JAZF1: variants seen among roughly 807,000 people sequenced by gnomAD.
JAZF1 encodes JAZF zinc finger 1, also known as juxtaposed with another zinc finger protein 1.
JAZF1 carries 8 observed loss-of-function variants against 26.4 expected under a neutral mutation model. That is an observed-to-expected ratio of 0.30 (90% confidence interval 0.18 to 0.55). The LOEUF (loss-of-function observed/expected upper bound fraction) is 0.55, where lower values mean the gene tolerates loss of function less well. Among genes scored for constraint, JAZF1 ranks in the 20% least tolerant of loss-of-function variants. JAZF1 has a pLI of 0.94. For synonymous variants in JAZF1, 126 were observed against 122.3 expected (o/e 1.03, Z -0.20); for missense variants, 199 against 322.0 (o/e 0.62, Z 2.92).
intron 2 of JAZF1, among the ~76,000 whole-genome samples, chr7:27,959,841 AG>A (rs1452215081): frequency 6.6e-6 from 1 of 151,946 alleles, no homozygotes; most frequent in African/African-American, 2.4e-5. Context: ...CGGAGGTTGC[AG>A]TGAGCCGAGA....
chr7:28,149,724 A>C (rs1357546951), intron 1 of JAZF1, among the ~76,000 whole-genome samples: 1 of 152,204 alleles, frequency 6.6e-6, no homozygotes, highest in Non-Finnish European at 1.5e-5. Flanking sequence ...TAAATGTGAG[A>C]GCTGTCTAAA....
intron 3 of JAZF1, among the ~76,000 whole-genome samples, chr7:27,859,968 G>A (rs1783348060): frequency 6.6e-6 from 1 of 152,224 alleles, no homozygotes; most frequent in African/African-American, 2.4e-5. Context: ...AAAGTGCTCA[G>A]CGAGCCTGCC....
At chr7:27,977,499 C>T (rs1209943108) in intron 2 of JAZF1, among the ~76,000 whole-genome samples, 2 of 152,136 alleles carry the variant, frequency 1.3e-5, no homozygotes, top group African/African-American at 4.8e-5. Context: ...AGTTGAATGA[C>T]TAGGTGTCCA....
intron 2 of JAZF1, among the ~76,000 whole-genome samples, chr7:27,977,456 C>T (rs554003461): frequency 1.3e-5 from 2 of 152,262 alleles, no homozygotes; most frequent in East Asian, 1.9e-4. Flanking sequence ...GAGCAAAGTC[C>T]TTATTTCTAA....
chr7:27,997,119 T>A (rs1786032772), intron 1 of JAZF1, among the ~76,000 whole-genome samples: 1 of 152,064 alleles, frequency 6.6e-6, no homozygotes, highest in Non-Finnish European at 1.5e-5. Context: ...AGATACAGTC[T>A]CAAGTACCTG....
chr7:27,858,634 G>A (rs1418094944), intron 3 of JAZF1, among the ~76,000 whole-genome samples: 1 of 152,190 alleles, frequency 6.6e-6, no homozygotes, highest in Non-Finnish European at 1.5e-5. Flanking sequence ...ATGGGGAAAG[G>A]ATTCCCTATT....
chr7:27,927,194 G>A (rs1049536323), intron 2 of JAZF1, among the ~76,000 whole-genome samples: 2 of 152,216 alleles, frequency 1.3e-5, no homozygotes, highest in African/African-American at 4.8e-5. Flanking sequence ...GAGTTTCCCA[G>A]GATTCCCAGA....
chr7:27,951,252 A>G (rs554217845), intron 2 of JAZF1, among the ~76,000 whole-genome samples: 7 of 152,166 alleles, frequency 4.6e-5, no homozygotes, highest in African/African-American at 1.7e-4. Flanking sequence ...TAGGAATGCT[A>G]CTCTGGCTCA....
chr7:27,907,135 G>C (rs1583457973), intron 2 of JAZF1, among the ~76,000 whole-genome samples: 1 of 152,314 alleles, frequency 6.6e-6, no homozygotes, highest in South Asian at 2.1e-4. Context: ...AGGTTCTGAA[G>C]GCAAACTCTT....
chr7:27,879,946 C>A (rs1029061565), intron 3 of JAZF1, among the ~76,000 whole-genome samples: 1 of 152,146 alleles, frequency 6.6e-6, no homozygotes, highest in African/African-American at 2.4e-5. Context: ...CTTTTCAGTC[C>A]TGCCATCTTT....
chr7:27,858,356 T>C (rs1258945807), intron 3 of JAZF1, among the ~76,000 whole-genome samples: 1 of 152,204 alleles, frequency 6.6e-6, no homozygotes, highest in Admixed American at 6.5e-5. Flanking sequence ...ACCATTGACT[T>C]TCTTCACATA....
chr7:28,153,505 T>C (rs1428317334), intron 1 of JAZF1, among the ~76,000 whole-genome samples: 3 of 152,146 alleles, frequency 2.0e-5, no homozygotes, highest in Admixed American at 6.5e-5. Flanking sequence ...AAAAAAGGAT[T>C]GTTCAGTTCT....
rs534080222 is a variant in JAZF1, at chr7:28,163,803, G to A, written c.115+16660C>T. 4.5e-4 allele frequency among the ~76,000 whole-genome samples: 69 copies of A among 152,252 alleles called. 1 individual carries two copies. Among genetic ancestry groups the A allele is most frequent in the African/African-American group, 1.5e-3 (64 of 41,550 alleles). On this transcript the variant is annotated intron_variant, in intron 1 of 4. Transcript: ENST00000283928. ...TTAAAGAGTACCGTGGTCACTTTAGGAGAAAATTTTTATCTCTGTACTAAA... is the reference window on the plus strand; with the variant it reads ...TTAAAGAGTACCGTGGTCACTTTAGAAGAAAATTTTTATCTCTGTACTAAA...
intron 2 of JAZF1, among the ~76,000 whole-genome samples, chr7:27,909,022 C>CATTCATTA (rs1487633603): frequency 6.6e-6 from 1 of 152,058 alleles, no homozygotes. Flanking sequence ...TTCATTCATT[C>CATTCATTA]ATTCAGAGGC....
At chr7:28,068,424 TC>T in intron 1 of JAZF1, among the ~76,000 whole-genome samples, 1 of 152,308 alleles carries the variant, frequency 6.6e-6, no homozygotes, top group Admixed American at 6.5e-5. Flanking sequence ...AATCCTCTTG[TC>T]GTATCAATTA....
intron 1 of JAZF1, among the ~76,000 whole-genome samples, chr7:28,161,257 T>TTA (rs1554292612): frequency 1.3e-5 from 1 of 77,180 alleles, no homozygotes; most frequent in Non-Finnish European, 2.4e-5. Flanking sequence ...TCCTTTAATC[T>TTA]AAAAAAAAAA....
chr7:27,909,258 C>T (rs1477070768), intron 2 of JAZF1, among the ~76,000 whole-genome samples: 1 of 152,076 alleles, frequency 6.6e-6, no homozygotes, highest in Non-Finnish European at 1.5e-5. Flanking sequence ...TTCCATGCCT[C>T]CTCTTCTGCC....
chr7:28,076,530 T>G (rs1784053855), intron 1 of JAZF1, among the ~76,000 whole-genome samples: 1 of 152,150 alleles, frequency 6.6e-6, no homozygotes, highest in Admixed American at 6.5e-5. Flanking sequence ...CTAAAAATGT[T>G]TAAGGAAATC....
intron 3 of JAZF1, among the ~76,000 whole-genome samples, chr7:27,862,996 G>A (rs1348391464): frequency 1.3e-5 from 2 of 152,148 alleles, no homozygotes; most frequent in Non-Finnish European, 2.9e-5. Context: ...TGTGGGGCCC[G>A]ATGGTCCCAT....
Sources: gnomAD v4.1 joint callset for allele counts (sites outside exome capture counted in the v4.1 genomes callset) on GRCh38, gnomAD v4.1.1 for gene constraint, MANE v1.5 for transcripts, NCBI Gene and HGNC (gene_info 2026-07-23, HGNC 2026-07-21) for gene names.